Variants in CPEB1 observed in about 807,000 individuals in gnomAD.
The protein encoded by CPEB1 is cytoplasmic polyadenylation element binding protein 1.
A neutral mutation model predicts 65.8 loss-of-function variants in CPEB1; 7 were observed. The ratio of observed to expected loss-of-function variants is 0.11; its 90% CI spans 0.06 to 0.20. The LOEUF is 0.20. CPEB1 is among the 10% of genes least tolerant of loss of function. The probability of loss-of-function intolerance (pLI) is 1.00; values close to 1 mark genes in which losing one functional copy is unlikely to be tolerated. For missense variants in CPEB1, 551 were observed against 712.2 expected (o/e 0.77, Z 2.58); for synonymous variants, 262 against 260.0 (o/e 1.01, Z -0.08).
rs938667194 is a variant in CPEB1, at chr15:82,544,784, G to C, written c.1657-82C>G. On this transcript the variant is annotated intron_variant, in intron 12 of 12. Coordinates refer to ENST00000684509, the MANE Select transcript of CPEB1 (RefSeq NM_001365242.1). ...AGCTGTTGCACGAGCTGCTTGTTCTGTTTGGAGAAGGGTGGGAGACTCCCG... is the reference window on the plus strand; with the variant it reads ...AGCTGTTGCACGAGCTGCTTGTTCTCTTTGGAGAAGGGTGGGAGACTCCCG... 156 of 1,051,912 alleles carry C rather than the reference G, an allele frequency of 1.5e-4. No homozygotes were observed. The African/African-American group carries it at 2.0e-3, about 14-fold the overall frequency. The allele number at this position is 1,051,912 out of a possible 1,614,324, so 65.2% of individuals were successfully genotyped here.
At chr15:82,627,558 A>C (rs1282846575) in intron 2 of CPEB1, among the ~76,000 whole-genome samples, 191 bp from the exon 3 acceptor site, 1 of 152,200 alleles carries the variant, frequency 6.6e-6, no homozygotes, top group Non-Finnish European at 1.5e-5. Context: ...ATTCTTGGCC[A>C]ATTTGTGGAA....
At chr15:82,632,363 G>T (rs2046334429) in intron 1 of CPEB1, among the ~76,000 whole-genome samples, 1 of 152,116 alleles carries the variant, frequency 6.6e-6, no homozygotes, top group Non-Finnish European at 1.5e-5. Flanking sequence ...TTCTGTACAT[G>T]AAATTAAATT....
At chr15:82,639,103 T>G (rs375424110) in intron 1 of CPEB1, among the ~76,000 whole-genome samples, 2 of 152,214 alleles carry the variant, frequency 1.3e-5, no homozygotes, top group Non-Finnish European at 2.9e-5. Context: ...TGGACCTAGC[T>G]TGGAGAACTG....
chr15:82,602,275 G>A (rs896411793), intron 3 of CPEB1, among the ~76,000 whole-genome samples: 3 of 152,006 alleles, frequency 2.0e-5, no homozygotes, highest in African/African-American at 7.2e-5. Context: ...GACATCCAAT[G>A]GAAATTAGAA....
intron 11 of CPEB1, among the ~76,000 whole-genome samples, 188 bp downstream of exon 11, chr15:82,546,955 T>TC (rs2150920021): frequency 6.6e-6 from 1 of 152,216 alleles, no homozygotes; most frequent in South Asian, 2.1e-4. Context: ...CCAGTTCCCT[T>TC]CCTCCTGGGC....
intron 3 of CPEB1, among the ~76,000 whole-genome samples, chr15:82,587,400 T>C (rs563217934): frequency 7.9e-5 from 12 of 152,208 alleles, no homozygotes; most frequent in Admixed American, 2.0e-4. Context: ...ATGCAATCAA[T>C]TGCGAAAACT....
At chr15:82,631,565 A>G (rs2046249115) in intron 1 of CPEB1, among the ~76,000 whole-genome samples, 1 of 152,176 alleles carries the variant, frequency 6.6e-6, no homozygotes, top group Admixed American at 6.5e-5. Context: ...AGGGCCTGAC[A>G]TGTAATTATG....
chr15:82,624,833 C>A (rs1021298915), intron 3 of CPEB1, among the ~76,000 whole-genome samples: 5 of 148,518 alleles, frequency 3.4e-5, no homozygotes, highest in Admixed American at 3.4e-4. Context: ...GAGTGTCATA[C>A]TTTTTTTTTT....
At chr15:82,590,467 T>C (rs917130037) in intron 3 of CPEB1, among the ~76,000 whole-genome samples, 1 of 152,168 alleles carries the variant, frequency 6.6e-6, no homozygotes, top group Non-Finnish European at 1.5e-5. Context: ...CTCAGGGTGG[T>C]ATGGCTATAG....
intron 3 of CPEB1, among the ~76,000 whole-genome samples, chr15:82,618,846 TG>T (rs2045019997): frequency 6.6e-6 from 1 of 152,242 alleles, no homozygotes; most frequent in African/African-American, 2.4e-5. Flanking sequence ...CTTCTTGAAT[TG>T]GAAGACTTGT....
At chr15:82,633,617 C>T (rs2046431036) in intron 1 of CPEB1, among the ~76,000 whole-genome samples, 1 of 152,250 alleles carries the variant, frequency 6.6e-6, no homozygotes, top group Non-Finnish European at 1.5e-5. Context: ...AGGTGATCTG[C>T]CTGCCTCAGC....
intron 3 of CPEB1, among the ~76,000 whole-genome samples, chr15:82,625,222 C>T (rs1490568499): frequency 1.3e-5 from 2 of 152,098 alleles, no homozygotes; most frequent in Non-Finnish European, 2.9e-5. Flanking sequence ...TTTAACTCAG[C>T]GTAAACTAAA....
intron 3 of CPEB1, among the ~76,000 whole-genome samples, chr15:82,597,804 G>T (rs1397017002): frequency 6.6e-6 from 1 of 152,132 alleles, no homozygotes; most frequent in African/African-American, 2.4e-5. Context: ...TGCATGACAA[G>T]AATGAGACCC....
intron 3 of CPEB1, among the ~76,000 whole-genome samples, chr15:82,590,272 C>T (rs187340169): frequency 7.8e-6 from 1 of 128,642 alleles, no homozygotes; most frequent in East Asian, 2.4e-4. Context: ...CCTAAGAAAA[C>T]TCTGTAATTC....
At chr15:82,588,367 A>G (rs1291966746) in intron 3 of CPEB1, among the ~76,000 whole-genome samples, 1 of 152,200 alleles carries the variant, frequency 6.6e-6, no homozygotes, top group Non-Finnish European at 1.5e-5. Flanking sequence ...TACCCCAGAG[A>G]TACCTTTCAA....
intron 3 of CPEB1, among the ~76,000 whole-genome samples, chr15:82,607,155 C>T (rs989015924): frequency 2.6e-5 from 3 of 115,982 alleles, no homozygotes; most frequent in Non-Finnish European, 1.8e-5. Flanking sequence ...AGAAAAATGG[C>T]AGGTGTATAT....
At chr15:82,605,477 G>T (rs2043488835) in intron 3 of CPEB1, among the ~76,000 whole-genome samples, 1 of 151,948 alleles carries the variant, frequency 6.6e-6, no homozygotes, top group Admixed American at 6.6e-5. Flanking sequence ...TAGAATGACG[G>T]TAACTATAGT....
upstream of CPEB1, chr15:82,647,863 A>G (rs892292072): frequency 2.3e-4 from 297 of 1,269,476 alleles, no homozygotes; most frequent in Non-Finnish European, 2.9e-4. Context: ...TACCAGCGGG[A>G]ACGCCATGGG....
intron 3 of CPEB1, among the ~76,000 whole-genome samples, chr15:82,576,792 G>A (rs926571510): frequency 2.0e-5 from 3 of 152,204 alleles, no homozygotes; most frequent in East Asian, 1.9e-4. Flanking sequence ...TGAGGCCAAC[G>A]CAGGTGGATA....
Sources: gnomAD v4.1 joint callset for allele counts (sites outside exome capture counted in the v4.1 genomes callset) on GRCh38, gnomAD v4.1.1 for gene constraint, MANE v1.5 for transcripts, NCBI Gene and HGNC (gene_info 2026-07-23, HGNC 2026-07-21) for gene names.